The following RGS8 variants were observed in gnomAD, a reference collection of about 807,000 sequenced individuals.
RGS8 encodes the protein regulator of G protein signaling 8.
Under a neutral mutation model 21.7 loss-of-function variants are expected in RGS8, and 8 were observed. The observed-to-expected ratio is 0.37, with a 90% CI of 0.22 to 0.66. RGS8 has a LOEUF of 0.66. Ranked by LOEUF, RGS8 falls within the 30% of genes least tolerant of loss-of-function variation. The probability of loss-of-function intolerance (pLI) is 0.59; values close to 1 mark genes in which losing one functional copy is unlikely to be tolerated. For missense variants in RGS8, 157 were observed against 217.9 expected, an observed-to-expected ratio of 0.72 and a Z score of 1.76; for synonymous variants, 80 against 83.6, an observed-to-expected ratio of 0.96 and a Z score of 0.24.
At chr1:182,704,427 C>T in the RGS8 span, among the ~76,000 whole-genome samples, 4 of 152,308 alleles carry the variant, frequency 2.6e-5, no homozygotes, top group East Asian at 1.9e-4. Context: ...TCTCTATTCC[C>T]GGAATCTGCA....
At chr1:182,726,906 T>C in the RGS8 span, among the ~76,000 whole-genome samples, 1 of 136,328 alleles carries the variant, frequency 7.3e-6, no homozygotes, top group Non-Finnish European at 1.6e-5. Flanking sequence ...AGGTGTTTGA[T>C]ATAGACTTTT....
the RGS8 span, among the ~76,000 whole-genome samples, chr1:182,714,034 C>T: frequency 6.6e-6 from 1 of 152,292 alleles, no homozygotes; most frequent in South Asian, 2.1e-4. Flanking sequence ...GCCAATTTGA[C>T]TTTTGAGACT....
the RGS8 span, among the ~76,000 whole-genome samples, chr1:182,710,710 T>C: frequency 6.6e-6 from 1 of 152,126 alleles, no homozygotes. Flanking sequence ...GGAGGAGGGA[T>C]GCAGGACAAG....
At chr1:182,701,462 T>C in the RGS8 span, among the ~76,000 whole-genome samples, 3 of 152,214 alleles carry the variant, frequency 2.0e-5, no homozygotes, top group Non-Finnish European at 2.9e-5. Context: ...TTGAGTCATA[T>C]CCATGTCCAG....
the RGS8 span, among the ~76,000 whole-genome samples, chr1:182,730,179 T>C: frequency 1.3e-5 from 2 of 152,186 alleles, no homozygotes; most frequent in African/African-American, 4.8e-5. Flanking sequence ...TCTTCAACCC[T>C]GACTCCACCA....
At chr1:182,672,776 T>C, upstream of RGS8, 1 of 1,612,206 alleles carries the variant, frequency 6.2e-7, no homozygotes, top group Non-Finnish European at 8.5e-7. Context: ...TGATCCCTAT[T>C]TTTCTGTCTT....
At chr1:182,688,934 A>AT (rs1664763080), upstream of RGS8, among the ~76,000 whole-genome samples, 1 of 152,160 alleles carries the variant, frequency 6.6e-6, no homozygotes, top group African/African-American at 2.4e-5. Flanking sequence ...GGCAACACTG[A>AT]TTTTAGCCCA....
At chr1:182,656,488 G>T (rs1367084484) in intron 5 of RGS8, among the ~76,000 whole-genome samples, 1 of 152,224 alleles carries the variant, frequency 6.6e-6, no homozygotes, top group Non-Finnish European at 1.5e-5. Context: ...GCCTGGTGGG[G>T]TGGCTTTTTC....
the RGS8 span, among the ~76,000 whole-genome samples, chr1:182,691,652 A>G: frequency 6.7e-6 from 1 of 148,878 alleles, no homozygotes; most frequent in East Asian, 2.0e-4. Flanking sequence ...CAAACCAGGC[A>G]TCAAAAGTGC....
intron 1 of RGS8, among the ~76,000 whole-genome samples, chr1:182,678,651 C>G (rs1664444853): frequency 6.6e-6 from 1 of 152,226 alleles, no homozygotes; most frequent in South Asian, 2.1e-4. Context: ...AGGCAGAATT[C>G]AGGGCCATAT....
chr1:182,664,415 A>G (rs1212888239), intron 5 of RGS8, among the ~76,000 whole-genome samples: 4 of 152,180 alleles, frequency 2.6e-5, no homozygotes, highest in Admixed American at 6.5e-5. Flanking sequence ...AAGCATCTCC[A>G]TCACTATTTT....
At chr1:182,652,385 T>A (rs1663061970) in intron 5 of RGS8, among the ~76,000 whole-genome samples, 1 of 152,224 alleles carries the variant, frequency 6.6e-6, no homozygotes, top group Non-Finnish European at 1.5e-5. Flanking sequence ...AGGTTTCAGC[T>A]CTGTTGGGTC....
At chr1:182,741,153 T>A in the RGS8 span, among the ~76,000 whole-genome samples, 4 of 147,624 alleles carry the variant, frequency 2.7e-5, no homozygotes, top group African/African-American at 1.0e-4. Flanking sequence ...GCCCCTCACC[T>A]CCCGGACGGG....
rs1046747359 is a variant in RGS8, at chr1:182,665,848, C to T, written c.193+121G>A. The T allele has an allele frequency of 5.7e-6, 4 of 705,086 alleles. No homozygotes were observed. The South Asian group carries it at 6.6e-5, about 12-fold the overall frequency. 43.7% of individuals were successfully genotyped at this position (705,086 alleles called of 1,614,324 possible). A position where few individuals can be genotyped will look rare whatever the true frequency, so the allele number is the denominator to read the frequency against. Reference sequence around the variant, plus strand: ...CTCTAGGCAGGAGGCTCTGTGAGAGCGGGGCCCACAGAGGTCTGGAACACC... The same window carrying T: ...CTCTAGGCAGGAGGCTCTGTGAGAGTGGGGCCCACAGAGGTCTGGAACACC... On this transcript the variant is annotated intron_variant, in intron 5 of 6. Transcript: ENST00000483095.
intron 2 of RGS8, among the ~76,000 whole-genome samples, chr1:182,670,095 C>T (rs543196642): frequency 1.3e-5 from 2 of 152,300 alleles, no homozygotes; most frequent in East Asian, 3.9e-4. Context: ...GACCAGCAAG[C>T]GGGATTGGAG....
the RGS8 span, among the ~76,000 whole-genome samples, chr1:182,743,198 C>T: frequency 6.6e-6 from 1 of 152,104 alleles, no homozygotes; most frequent in East Asian, 1.9e-4. Flanking sequence ...AACTTCAGTC[C>T]TGGCTTGGCT....
At chr1:182,717,170 G>C in the RGS8 span, among the ~76,000 whole-genome samples, 1 of 152,122 alleles carries the variant, frequency 6.6e-6, no homozygotes, top group Non-Finnish European at 1.5e-5. Flanking sequence ...GAAAATGCCT[G>C]GTACATTTTT....
At chr1:182,724,876 A>C in the RGS8 span, among the ~76,000 whole-genome samples, 1 of 152,306 alleles carries the variant, frequency 6.6e-6, no homozygotes, top group South Asian at 2.1e-4. Context: ...ACTTAATTTA[A>C]CAATTTTGAG....
the RGS8 span, among the ~76,000 whole-genome samples, chr1:182,698,506 C>T: frequency 6.6e-6 from 1 of 152,140 alleles, no homozygotes; most frequent in African/African-American, 2.4e-5. Context: ...GTTATTATTG[C>T]CTCCTACTTG....
Sources: gnomAD v4.1 joint callset for allele counts (sites outside exome capture counted in the v4.1 genomes callset) on GRCh38, gnomAD v4.1.1 for gene constraint, MANE v1.5 for transcripts, NCBI Gene and HGNC (gene_info 2026-07-23, HGNC 2026-07-21) for gene names.